Variants in SUN2 observed in about 807,000 individuals in gnomAD.
SUN2 encodes the protein Sad1 and UNC84 domain containing 2.
A neutral mutation model predicts 100.0 loss-of-function variants in SUN2; 60 were observed. The observed-to-expected ratio is 0.60, with a 90% confidence interval of 0.49 to 0.74. The LOEUF (loss-of-function observed/expected upper bound fraction) is 0.74. SUN2 is among the 30% of genes least tolerant of loss of function. The probability of loss-of-function intolerance (pLI) is 0.00; values close to 1 mark genes in which losing one functional copy is unlikely to be tolerated. For missense variants in SUN2, 834 were observed against 954.6 expected, an observed-to-expected ratio of 0.87 and a Z score of 1.66; for synonymous variants, 367 against 403.3, an observed-to-expected ratio of 0.91 and a Z score of 1.08.
intron 1 of SUN2, chr22:38,754,951 CAAG>C (rs1603233451): frequency 1.6e-6 from 2 of 1,289,366 alleles, no homozygotes; most frequent in Non-Finnish European, 2.0e-6. Context: ...TTCTCCAAAA[CAAG>C]AAGTGAGCCT....
intron 7 of SUN2, among the ~76,000 whole-genome samples, chr22:38,747,943 AAAAC>A (rs995464976): frequency 4.6e-5 from 7 of 152,188 alleles, no homozygotes; most frequent in Non-Finnish European, 7.3e-5. Flanking sequence ...ACTTTGTCTC[AAAAC>A]AAACAAAAAA....
chr22:38,742,323 C>T lies in SUN2; in HGVS notation c.1046G>A (p.Arg349Lys). 2 of 1,605,374 alleles carry T rather than the reference C, an allele frequency of 1.2e-6. No homozygotes were observed. Among genetic ancestry groups the T allele is most frequent in the South Asian group, 1.1e-5 (1 of 90,850 alleles). Residue 349 changes from arginine (R) to lysine (K), a missense_variant, in exon 9 of 18, where the codon AGG (arginine) becomes AAG (lysine). Arg to Lys is a conservative substitution (Grantham distance 26). Around this residue, in one of 3 missense-constraint regions of SUN2, gnomAD observed 559 missense variants for 597.7 expected, o/e 0.94. Coordinates refer to ENST00000689035, the MANE Select transcript of SUN2 (RefSeq NM_015374.3). ...REAALKEDFR[R>K]ETAARIQEEL... ...TACCTGGATGCGAGCAGCAGTTTCC[C>T]TGCGGAAATCCTCCTTCAGGGCAGC...
chr22:38,742,134 T>C (rs1166312934), intron 9 of SUN2, among the ~76,000 whole-genome samples, 167 bp downstream of exon 9: 1 of 149,946 alleles, frequency 6.7e-6, no homozygotes, highest in African/African-American at 2.5e-5. Context: ...CAGAGTGAGA[T>C]ATTGTCTCAA....
chr22:38,735,607 A>G lies in SUN2; in HGVS notation c.*660T>C, dbSNP rs970197870. On this transcript the variant is annotated 3_prime_UTR_variant, in exon 18 of 18. Coordinates refer to ENST00000689035, the MANE Select transcript of SUN2 (RefSeq NM_015374.3). ...CTACAGGGTTGGCCCTGGGCCCCTT[A>G]GAAGATCACAGCAGCCAGTCCCCTT... 8.0e-5 allele frequency: 15 copies of G among 187,944 alleles called. No homozygotes were observed. The South Asian group carries it at 1.1e-3, about 14-fold the overall frequency. 11.6% of individuals were successfully genotyped at this position (187,944 alleles called of 1,614,324 possible). A position where few individuals can be genotyped will look rare whatever the true frequency, so the allele number is the denominator to read the frequency against.
In SUN2 at chr22:38,742,357, G is replaced by A. The variant is rs1301677505; in HGVS notation, c.1012C>T (p.Arg338Cys). ...TCCTCCTTCAGGGCAGCTTCACGGC[G>A]GCTCACTAGCCCCTCCAGCAGCGCC... is the stretch of plus-strand genomic sequence containing the variant. Reference protein sequence around the residue: ...TLALLEGLVSRREAALKEDFR... With the variant: ...TLALLEGLVSCREAALKEDFR... The change falls in exon 9 of 18, where the codon CGC (arginine) becomes TGC (cysteine). Residue 338 changes from arginine to cysteine, a missense_variant. Around this residue, in one of 3 missense-constraint regions of SUN2, gnomAD observed 559 missense variants for 597.7 expected, o/e 0.94. Transcript: ENST00000689035. The A allele has an allele frequency of 3.7e-6, 6 of 1,611,980 alleles. No homozygotes were observed. The highest frequency in any genetic ancestry group is 5.1e-6 in the Non-Finnish European group (6 of 1,178,784).
intron 17 of SUN2, chr22:38,736,676 T>C (rs2092808628): frequency 4.1e-6 from 1 of 242,568 alleles, no homozygotes; most frequent in Non-Finnish European, 8.1e-6. Flanking sequence ...GAGGGCTTCA[T>C]AGATGCTGAT....
rs2092935355 is a variant in SUN2, at chr22:38,750,336, A to AC, written c.425-17dup. 2.5e-6 allele frequency: 4 copies of AC among 1,613,672 alleles called. No individual in the cohort carries two copies. The East Asian group carries it at 8.9e-5, about 36-fold the overall frequency. On this transcript the variant is annotated splice_polypyrimidine_tract_variant and intron_variant, in intron 4 of 17. Coordinates refer to ENST00000689035, the MANE Select transcript of SUN2 (RefSeq NM_015374.3). ...TCCGAGTAGCCTGCGGGGAACGAGG[A>AC]CACTGGCTCAGTCTCTGTCACTTTC... is the stretch of plus-strand genomic sequence containing the variant.
chr22:38,744,785 T>C (rs550386110), intron 8 of SUN2, among the ~76,000 whole-genome samples: 39 of 152,324 alleles, frequency 2.6e-4, no homozygotes, highest in African/African-American at 7.5e-4. Context: ...AGATTACAGA[T>C]GTGAGCCACC....
chr22:38,743,548 T>C (rs2092877254), intron 8 of SUN2: 1 of 140,064 alleles, frequency 7.1e-6, no homozygotes, highest in Non-Finnish European at 1.5e-5. Flanking sequence ...GATCGTGCCA[T>C]TGCACTTTAG....
At position 38,736,155 on chromosome 22, in the gene SUN2, GCT is replaced by G; in HGVS notation, c.*110_*111del. On this transcript the variant is annotated 3_prime_UTR_variant, in exon 18 of 18. Transcript: ENST00000689035. Reference sequence around the variant, plus strand: ...CCTTTTCATCTGCATGGGGCCACAGGCTCCTCTCTTGTGCTCCTAGAAGTCAG... The same window carrying G: ...CCTTTTCATCTGCATGGGGCCACAGGCCTCTCTTGTGCTCCTAGAAGTCAG... 9.6e-7 allele frequency: 1 copy of G among 1,042,354 alleles called. No individual in the cohort carries two copies. The allele number at this position is 1,042,354 out of a possible 1,614,324, so 64.6% of individuals were successfully genotyped here.
rs1021838624 is a variant in SUN2, at chr22:38,751,876, AG to A, written c.123-504del. 3.9e-5 allele frequency among the ~76,000 whole-genome samples: 6 copies of A among 152,276 alleles called. No homozygotes were observed. In the East Asian group the frequency reaches 5.8e-4, roughly 15 times the overall value. The stretch of plus-strand genomic sequence containing the variant: ...TAAGGCTGACACGCCCGTCCAGAGC[AG>A]GGGGGGTTCCTGTGAGCCCAGCCTG... On this transcript the variant is annotated intron_variant, in intron 2 of 17. Coordinates refer to ENST00000689035, the MANE Select transcript of SUN2 (RefSeq NM_015374.3).
At chr22:38,742,799 G>A (rs779768618) in intron 8 of SUN2, 32 of 509,250 alleles carry the variant, frequency 6.3e-5, no homozygotes, top group Non-Finnish European at 8.7e-5. Flanking sequence ...ACACAGTACC[G>A]AAGTCTGATC....
At position 38,745,889 on chromosome 22, in the gene SUN2, C is replaced by T; in HGVS notation, c.686-78G>A. 8.4e-6 allele frequency: 13 copies of T among 1,554,882 alleles called. 1 individual carries two copies. In the South Asian group the frequency reaches 1.5e-4, roughly 18 times the overall value. On this transcript the variant is annotated intron_variant, in intron 7 of 17. Coordinates refer to ENST00000689035, the MANE Select transcript of SUN2 (RefSeq NM_015374.3). ...GCGCCAGGGAGGATGGCTACCTGAT[C>T]CCTGCCAGTGCTTGTGGCCTGTCCC...
At chr22:38,751,528 A>G (rs962742369) in intron 2 of SUN2, 155 bp from the exon 3 acceptor site, 3 of 707,368 alleles carry the variant, frequency 4.2e-6, no homozygotes, top group South Asian at 1.8e-5. Flanking sequence ...GACTCTCCCA[A>G]TGCTGGCACG....
intron 6 of SUN2, among the ~76,000 whole-genome samples, chr22:38,749,519 A>G (rs1294225199): frequency 6.6e-6 from 1 of 152,206 alleles, no homozygotes; most frequent in African/African-American, 2.4e-5. Flanking sequence ...GTGTCCAAGA[A>G]GAAATAATCT....
chr22:38,741,719 C>T lies in SUN2; in HGVS notation c.1069-148G>A, dbSNP rs528397425. On this transcript the variant is annotated intron_variant, in intron 9 of 17. Coordinates refer to ENST00000689035, the MANE Select transcript of SUN2 (RefSeq NM_015374.3). ...GCCTTCTCTGAACCACGCAAGACTC[C>T]CGCTTCAGCTCCACTGCACACCTCT... 2.4e-4 allele frequency: 166 copies of T among 688,656 alleles called. 3 individuals carry two copies. The South Asian group carries it at 2.7e-3, about 11-fold the overall frequency. 42.7% of individuals were successfully genotyped at this position (688,656 alleles called of 1,614,324 possible). A position where few individuals can be genotyped will look rare whatever the true frequency, so the allele number is the denominator to read the frequency against.
chr22:38,749,970 C>A, intron 5 of SUN2, 111 bp from the exon 6 acceptor site: 1 of 1,016,162 alleles, frequency 9.8e-7, no homozygotes. Flanking sequence ...TGCCAGTATG[C>A]CTCTGTCCTG....
At position 38,751,198 on chromosome 22, in the gene SUN2, C is replaced by A. The variant is rs2146081428; in HGVS notation, c.286+12G>T. On this transcript the variant is annotated intron_variant, in intron 3 of 17. Transcript: ENST00000689035. Reference sequence around the variant, plus strand: ...GGAAGCAAAGCCCCGGGACGGAGGGCTCCACACTCACCCCAGTTGGCGTCA... The same window carrying A: ...GGAAGCAAAGCCCCGGGACGGAGGGATCCACACTCACCCCAGTTGGCGTCA... The A allele has an allele frequency of 6.2e-7, 1 of 1,610,412 alleles. No individual in the cohort carries two copies. Among genetic ancestry groups the A allele is most frequent in the Non-Finnish European group, 8.5e-7 (1 of 1,177,026 alleles).
chr22:38,746,406 T>TA (rs1322843194), intron 7 of SUN2, among the ~76,000 whole-genome samples: 6 of 152,172 alleles, frequency 3.9e-5, no homozygotes, highest in East Asian at 3.8e-4. Context: ...ATCTGTTTGA[T>TA]ACCTGTTTAC....
Sources: gnomAD v4.1 joint callset for allele counts (sites outside exome capture counted in the v4.1 genomes callset) on GRCh38, gnomAD v4.1.1 for gene constraint, gnomAD v4.1.1 regional missense constraint, MANE v1.5 for transcripts, NCBI Gene and HGNC (gene_info 2026-07-23, HGNC 2026-07-21) for gene names.